RPA3: variants seen among roughly 807,000 people sequenced by gnomAD.
RPA3 encodes the protein replication protein A 14 kDa subunit.
RPA3 carries 24 observed loss-of-function variants against 13.7 expected under a neutral mutation model. The observed-to-expected ratio is 1.75, with a 90% CI of 1.27 to 2.46. The LOEUF is 2.46. Ranked by LOEUF, RPA3 falls within the 30% of genes most tolerant of loss-of-function variation. RPA3 has a pLI of 0.00. For synonymous variants in RPA3, 59 were observed against 51.2 expected, an observed-to-expected ratio of 1.15 and a Z score of -0.65; for missense variants, 183 against 151.0, an observed-to-expected ratio of 1.21 and a Z score of -1.11.
At chr7:7,646,802 C>T (rs991421921) in intron 4 of RPA3, among the ~76,000 whole-genome samples, 7 of 152,076 alleles carry the variant, frequency 4.6e-5, no homozygotes, top group Admixed American at 6.5e-5. Context: ...TCTCTTCTCT[C>T]CTCTGCTGCA....
In RPA3 at chr7:7,636,953, T is replaced by C. The variant is rs1784875878; in HGVS notation, c.*47A>G. ...CTCAAACAAGAAGGGCTTCCTTTAA[T>C]AGACTTTAATATAGCTCATTTACAA... On this transcript the variant is annotated 3_prime_UTR_variant, in exon 8 of 8. Transcript: ENST00000223129. 7.4e-7 allele frequency: 1 copy of C among 1,349,022 alleles called. No individual in the cohort carries two copies. The highest frequency in any genetic ancestry group is 1.4e-5 in the African/African-American group (1 of 69,294). The allele number at this position is 1,349,022 out of a possible 1,614,324, so 83.6% of individuals were successfully genotyped here.
intron 2 of RPA3, among the ~76,000 whole-genome samples, chr7:7,708,539 C>G (rs900729393): frequency 6.6e-6 from 1 of 152,152 alleles, no homozygotes; most frequent in Non-Finnish European, 1.5e-5. Flanking sequence ...TTTACAAAAG[C>G]AGCAGTGCTT....
At chr7:7,708,603 C>CAT (rs1780668781) in intron 2 of RPA3, among the ~76,000 whole-genome samples, 1 of 152,124 alleles carries the variant, frequency 6.6e-6, no homozygotes, top group Non-Finnish European at 1.5e-5. Flanking sequence ...CATATTTGTC[C>CAT]TTTTGGGACA....
chr7:7,673,382 T>G (rs1041407056), intron 4 of RPA3: 1 of 1,232,342 alleles, frequency 8.1e-7, no homozygotes, highest in African/African-American at 1.5e-5. Flanking sequence ...ATGTTTCACT[T>G]CTTCAGAAAG....
chr7:7,693,730 A>G lies in RPA3; in HGVS notation c.-1027-6402T>C, dbSNP rs28912713. Among the ~76,000 whole-genome samples, 711 of 152,266 alleles carry G rather than the reference A, an allele frequency of 4.7e-3. 8 individuals are homozygous for G. Among genetic ancestry groups the G allele is most frequent in the African/African-American group, 0.016 (681 of 41,574 alleles). On this transcript the variant is annotated intron_variant, in intron 2 of 7. Transcript: ENST00000223129. ...AATTTTAATAATTTAGCAATATTAT[A>G]TGAACGTGAAGTTTTATATCCTTCT... is the stretch of plus-strand genomic sequence containing the variant.
At chr7:7,707,497 T>C (rs1353465421) in intron 2 of RPA3, among the ~76,000 whole-genome samples, 1 of 152,204 alleles carries the variant, frequency 6.6e-6, no homozygotes, top group African/African-American at 2.4e-5. Flanking sequence ...CCATATGCTC[T>C]CAAATTGCTT....
Position 7,640,545 on chromosome 7 carries a change from TA to T in RPA3, c.-128del. The T allele has an allele frequency of 3.6e-6, 3 of 827,016 alleles. No homozygotes were observed. The highest frequency in any genetic ancestry group is 5.9e-6 in the Non-Finnish European group (3 of 509,764). The allele number at this position is 827,016 out of a possible 1,614,324, so 51.2% of individuals were successfully genotyped here. On this transcript the variant is annotated 5_prime_UTR_variant, in exon 5 of 8. Transcript: ENST00000223129. ...AGACTAGCGCTCCAGCTTCGCCAAT[TA>T]AATGCGCGGAAACCTAAATCGCAAT...
intron 4 of RPA3, among the ~76,000 whole-genome samples, chr7:7,643,668 C>A (rs1341910353): frequency 1.3e-5 from 2 of 150,426 alleles, no homozygotes; most frequent in African/African-American, 2.4e-5. Flanking sequence ...GCCGAGATCG[C>A]GCCACTTCAC....
intron 4 of RPA3, among the ~76,000 whole-genome samples, chr7:7,644,382 T>A (rs1785048934): frequency 6.6e-6 from 1 of 151,956 alleles, no homozygotes; most frequent in African/African-American, 2.4e-5. Flanking sequence ...GGAAGACCTC[T>A]TTTAATATAG....
At chr7:7,674,708 T>C (rs1312527566) in intron 4 of RPA3, among the ~76,000 whole-genome samples, 1 of 152,218 alleles carries the variant, frequency 6.6e-6, no homozygotes, top group Non-Finnish European at 1.5e-5. Flanking sequence ...CAGGAATTTA[T>C]GCCTTGGCTT....
intron 2 of RPA3, among the ~76,000 whole-genome samples, chr7:7,709,372 C>T (rs1255125911): frequency 6.6e-6 from 1 of 152,202 alleles, no homozygotes; most frequent in Non-Finnish European, 1.5e-5. Flanking sequence ...TTTGTCCTCA[C>T]ACCATCTCTT....
chr7:7,706,672 T>C (rs1217764593), intron 2 of RPA3, among the ~76,000 whole-genome samples: 1 of 152,176 alleles, frequency 6.6e-6, no homozygotes, highest in Admixed American at 6.6e-5. Flanking sequence ...AACTTAGTAC[T>C]ATTATTTCTA....
chr7:7,653,548 C>G (rs1785274103), intron 4 of RPA3, among the ~76,000 whole-genome samples: 1 of 152,168 alleles, frequency 6.6e-6, no homozygotes, highest in African/African-American at 2.4e-5. Flanking sequence ...GACTGAAGTG[C>G]ATCACGCACT....
At position 7,681,454 on chromosome 7, in the gene RPA3, C is replaced by T. The variant is rs550965434; in HGVS notation, c.-758+4376G>A. On this transcript the variant is annotated intron_variant, in intron 4 of 7. Transcript: ENST00000223129. ...CACATTTGGACAGAAAACCTTTCTCCGCATTAAGATTTCGAAAGCTTTTAG... is the reference window on the plus strand; with the variant it reads ...CACATTTGGACAGAAAACCTTTCTCTGCATTAAGATTTCGAAAGCTTTTAG... Among the ~76,000 whole-genome samples, 18 of 152,158 alleles carry T rather than the reference C, an allele frequency of 1.2e-4. No homozygotes were observed. In the Middle Eastern group the frequency reaches 0.017, roughly 144 times the overall value.
Position 7,640,393 on chromosome 7 carries a change from C to A in RPA3, c.26G>T (p.Arg9Met). The change falls in exon 5 of 8, where the codon AGG becomes ATG. Residue 9 changes from arginine (R) to methionine (M), a missense_variant. Physicochemically the swap from Arg to Met is moderately conservative, Grantham distance 91. Transcript: ENST00000223129. Reference sequence around the variant, plus strand: ...TAGCATGCCGGCGTTGATGCGCGACCTGGGCAAGTCCATCATGTCCACCAT... The same window carrying A: ...TAGCATGCCGGCGTTGATGCGCGACATGGGCAAGTCCATCATGTCCACCAT... MVDMMDLP[R>M]SRINAGMLAQ... is the part of the protein sequence containing the mutation. 6.2e-7 allele frequency: 1 copy of A among 1,614,072 alleles called. No homozygotes were observed. Among genetic ancestry groups the A allele is most frequent in the Non-Finnish European group, 8.5e-7 (1 of 1,180,030 alleles).
chr7:7,702,966 T>C (rs1780499835), intron 2 of RPA3, among the ~76,000 whole-genome samples: 1 of 152,258 alleles, frequency 6.6e-6, no homozygotes, highest in Non-Finnish European at 1.5e-5. Flanking sequence ...CCTGTTGTCG[T>C]GTAAACTTAT....
At chr7:7,673,360 GCAGCAGCA>G (rs1176727135) in intron 4 of RPA3, 18 of 1,252,224 alleles carry the variant, frequency 1.4e-5, no homozygotes, top group Admixed American at 2.0e-5. Context: ...AGCAGCAGCA[GCAGCAGCA>G]GCAATGTTTC....
At chr7:7,705,151 TGAGAA>T (rs1780566742) in intron 2 of RPA3, among the ~76,000 whole-genome samples, 1 of 152,202 alleles carries the variant, frequency 6.6e-6, no homozygotes, top group Non-Finnish European at 1.5e-5. Flanking sequence ...TATGCAATGA[TGAGAA>T]GAGATCTCAA....
At chr7:7,712,668 A>G (rs1407276484) in intron 2 of RPA3, among the ~76,000 whole-genome samples, 2 of 152,148 alleles carry the variant, frequency 1.3e-5, no homozygotes, top group Non-Finnish European at 2.9e-5. Flanking sequence ...GTTTCATTTT[A>G]TCTTTTGGTC....
Sources: gnomAD v4.1 joint callset for allele counts (sites outside exome capture counted in the v4.1 genomes callset) on GRCh38, gnomAD v4.1.1 for gene constraint, MANE v1.5 for transcripts, NCBI Gene and HGNC (gene_info 2026-07-23, HGNC 2026-07-21) for gene names.